The following FBXW8 variants were observed in gnomAD, a reference collection of about 807,000 sequenced individuals.
FBXW8 encodes F-box and WD repeat domain containing 8.
FBXW8 carries 57 observed loss-of-function variants against 65.3 expected under a neutral mutation model. The observed-to-expected ratio is 0.87, with a 90% confidence interval of 0.71 to 1.09. The LOEUF (loss-of-function observed/expected upper bound fraction) is 1.09, where lower values mean the gene tolerates loss of function less well. Ranked by LOEUF, FBXW8 falls within the 50% of genes least tolerant of loss-of-function variation. The pLI, the probability that FBXW8 is intolerant of heterozygous loss-of-function variation, is 0.00. For missense variants in FBXW8, 777 were observed against 814.8 expected (o/e 0.95, Z 0.57); for synonymous variants, 308 against 330.2 (o/e 0.93, Z 0.73).
intron 5 of FBXW8, among the ~76,000 whole-genome samples, chr12:116,971,304 T>C (rs1459946345): frequency 6.6e-6 from 1 of 151,336 alleles, no homozygotes; most frequent in Non-Finnish European, 1.5e-5. Flanking sequence ...TGCAGTGAGC[T>C]GTGCGTGATT....
At chr12:116,930,926 A>C (rs1296555526) in intron 2 of FBXW8, among the ~76,000 whole-genome samples, 1 of 151,724 alleles carries the variant, frequency 6.6e-6, no homozygotes, top group African/African-American at 2.4e-5. Flanking sequence ...TCCCACCTCA[A>C]CCTCCCGAGT....
intron 7 of FBXW8, among the ~76,000 whole-genome samples, chr12:117,002,124 A>G (rs1953538095): frequency 6.6e-6 from 1 of 152,218 alleles, no homozygotes; most frequent in Non-Finnish European, 1.5e-5. Context: ...ACATCTGCCC[A>G]CATCACAAAG....
chr12:116,973,619 T>G (rs1884760039), intron 5 of FBXW8, among the ~76,000 whole-genome samples: 1 of 152,182 alleles, frequency 6.6e-6, no homozygotes, highest in Admixed American at 6.6e-5. Context: ...AAGCCCAAAC[T>G]GAGGGACATT....
chr12:116,940,812 T>C (rs1232445759), intron 2 of FBXW8, among the ~76,000 whole-genome samples: 1 of 152,180 alleles, frequency 6.6e-6, no homozygotes, highest in Admixed American at 6.5e-5. Context: ...AAGATCCTTC[T>C]GTGCATGGGA....
chr12:116,985,310 G>T lies in FBXW8; in HGVS notation c.940G>T (p.Val314Leu). The T allele has an allele frequency of 8.7e-6, 14 of 1,614,190 alleles. No homozygotes were observed. Among genetic ancestry groups the T allele is most frequent in the Non-Finnish European group, 1.2e-5 (14 of 1,180,034 alleles). The change falls in exon 6 of 11, where the codon GTG (valine) becomes TTG (leucine). Residue 314 changes from valine to leucine, a missense_variant. By Grantham distance (32) the Val-to-Leu change is conservative (BLOSUM62 1). Coordinates refer to ENST00000652555, the MANE Select transcript of FBXW8 (RefSeq NM_153348.3). Reference sequence around the variant, plus strand: ...AGCCCTCAGCCAGGACGATGCAACCGTGGCCACAGCTTCTGCTTTTGATGT... The same window carrying T: ...AGCCCTCAGCCAGGACGATGCAACCTTGGCCACAGCTTCTGCTTTTGATGT... ...ALALSQDDATVATASAFDVVM... is the reference protein window; with the variant it reads ...ALALSQDDATLATASAFDVVM...
chr12:116,955,370 C>A (rs1215187914), intron 4 of FBXW8, among the ~76,000 whole-genome samples: 1 of 152,194 alleles, frequency 6.6e-6, no homozygotes, highest in Non-Finnish European at 1.5e-5. Flanking sequence ...GCGAAAATTT[C>A]TCATTTCTGT....
Position 116,945,494 on chromosome 12 carries a change from G to T in FBXW8, c.554G>T (p.Arg185Leu). The T allele has an allele frequency of 6.2e-7, 1 of 1,614,090 alleles. No homozygotes were observed. The highest frequency in any genetic ancestry group is 8.5e-7 in the Non-Finnish European group (1 of 1,180,010). The part of the protein sequence containing the change: ...SCWKLIFQEC[R>L]AKEHMLRTNW... ...TGGAAGCTCATCTTCCAAGAGTGCC[G>T]AGCCAAGGAACACATGTTACGAACC... The change falls in exon 3 of 11, where the codon CGA becomes CTA. Residue 185 changes from arginine to leucine, a missense_variant. Arg to Leu is a moderately radical substitution (Grantham distance 102). Coordinates refer to ENST00000652555, the MANE Select transcript of FBXW8 (RefSeq NM_153348.3).
chr12:117,022,134 A>G (rs7964659), intron 8 of FBXW8, among the ~76,000 whole-genome samples: 5,024 of 152,188 alleles, frequency 0.033, 272 homozygotes, highest in African/African-American at 0.11. Flanking sequence ...GGCCAAAGTC[A>G]CTTGTTCTTT....
intron 5 of FBXW8, among the ~76,000 whole-genome samples, chr12:116,980,684 T>G (rs1325329512): frequency 6.6e-6 from 1 of 152,236 alleles, no homozygotes; most frequent in African/African-American, 2.4e-5. Context: ...ATTAACTACT[T>G]CTTCCTTAGT....
intron 2 of FBXW8, among the ~76,000 whole-genome samples, chr12:116,938,401 C>T (rs995477734): frequency 1.1e-4 from 16 of 152,082 alleles, no homozygotes; most frequent in African/African-American, 3.1e-4. Context: ...TTATTTTCTA[C>T]GGAATAAGCA....
intron 5 of FBXW8, among the ~76,000 whole-genome samples, chr12:116,967,352 C>A (rs146370409): frequency 6.6e-6 from 1 of 152,264 alleles, no homozygotes; most frequent in Non-Finnish European, 1.5e-5. Flanking sequence ...GTGCTGCAAG[C>A]AATATACTTG....
intron 1 of FBXW8, among the ~76,000 whole-genome samples, chr12:116,912,553 A>G (rs1176924808): frequency 1.4e-5 from 2 of 143,530 alleles, no homozygotes; most frequent in Admixed American, 1.5e-4. Context: ...TCCGCCTCCT[A>G]GGTTCACGCC....
intron 2 of FBXW8, among the ~76,000 whole-genome samples, chr12:116,932,392 C>T (rs1440608939): frequency 6.6e-6 from 1 of 152,174 alleles, no homozygotes; most frequent in Non-Finnish European, 1.5e-5. Flanking sequence ...AAATTCAAAG[C>T]ACCAGCAAGA....
At chr12:116,954,066 A>C (rs901092896) in intron 4 of FBXW8, among the ~76,000 whole-genome samples, 1 of 149,438 alleles carries the variant, frequency 6.7e-6, no homozygotes, top group African/African-American at 2.5e-5. Flanking sequence ...GTGAGCTGAG[A>C]TCGCACCATT....
At chr12:117,013,035 A>G (rs1438900539) in intron 8 of FBXW8, among the ~76,000 whole-genome samples, 1 of 152,190 alleles carries the variant, frequency 6.6e-6, no homozygotes, top group African/African-American at 2.4e-5. Context: ...GCTTGAGGTC[A>G]GGAGTTCAAG....
At chr12:117,027,957 C>T (rs1954273581) in intron 10 of FBXW8, 71 bp from the exon 11 acceptor site, 3 of 1,598,490 alleles carry the variant, frequency 1.9e-6, no homozygotes, top group African/African-American at 1.3e-5. Flanking sequence ...GCCTCCTGCA[C>T]AGACAGAAGC....
intron 5 of FBXW8, among the ~76,000 whole-genome samples, chr12:116,984,190 G>A (rs930271563): frequency 6.6e-6 from 1 of 152,172 alleles, no homozygotes; most frequent in African/African-American, 2.4e-5. Context: ...GAAATGCTAA[G>A]TACAGAAAAG....
Position 116,949,600 on chromosome 12 carries a change from C to G in FBXW8, c.589-18C>G, listed in dbSNP as rs1883139290. 6.2e-7 allele frequency: 1 copy of G among 1,613,250 alleles called. No homozygotes were observed. The highest frequency in any genetic ancestry group is 1.1e-5 in the South Asian group (1 of 91,078). On this transcript the variant is annotated intron_variant, in intron 3 of 10. Coordinates refer to ENST00000652555, the MANE Select transcript of FBXW8 (RefSeq NM_153348.3). ...TCCCGAGAGCAGTCTAAACTGCATC[C>G]CCCTTTTCCTCACGCAGAATCGCAA...
At chr12:116,957,157 G>A (rs1318559811) in intron 4 of FBXW8, among the ~76,000 whole-genome samples, 11 of 152,092 alleles carry the variant, frequency 7.2e-5, no homozygotes, top group Admixed American at 7.2e-4. Context: ...GACCAGCCTG[G>A]CCAACATGGC....
Sources: gnomAD v4.1 joint callset for allele counts (sites outside exome capture counted in the v4.1 genomes callset) on GRCh38, gnomAD v4.1.1 for gene constraint, MANE v1.5 for transcripts, NCBI Gene and HGNC (gene_info 2026-07-23, HGNC 2026-07-21) for gene names.